DAPK2: variants seen among roughly 807,000 people sequenced by gnomAD.
DAPK2 encodes death-associated protein kinase 2.
In DAPK2, 35 loss-of-function variants were observed where a neutral mutation model predicts 44.1. The observed-to-expected ratio is 0.79, with a 90% CI of 0.61 to 1.05. The LOEUF (loss-of-function observed/expected upper bound fraction) is 1.05, where lower values mean the gene tolerates loss of function less well. Ranked by LOEUF, DAPK2 falls within the 50% of genes least tolerant of loss-of-function variation. DAPK2 has a pLI of 0.00. For missense variants in DAPK2, 453 were observed against 483.2 expected, an observed-to-expected ratio of 0.94 and a Z score of 0.59; for synonymous variants, 174 against 182.6, an observed-to-expected ratio of 0.95 and a Z score of 0.38.
chr15:63,914,912 G>T (rs552201966), intron 8 of DAPK2, among the ~76,000 whole-genome samples: 1 of 152,284 alleles, frequency 6.6e-6, no homozygotes, highest in African/African-American at 2.4e-5. Flanking sequence ...TTCATTACAC[G>T]TGGTGCTACC....
chr15:63,935,043 G>T (rs543767305), intron 4 of DAPK2, among the ~76,000 whole-genome samples: 424 of 142,428 alleles, frequency 3.0e-3, no homozygotes, highest in Middle Eastern at 0.011. Flanking sequence ...ATGTTTTGGG[G>T]TTTTTTTTTA....
intron 1 of DAPK2, among the ~76,000 whole-genome samples, chr15:64,004,454 A>T (rs569531023): frequency 6.6e-6 from 1 of 152,302 alleles, no homozygotes; most frequent in South Asian, 2.1e-4. Context: ...CTCACTTTTT[A>T]AAAAAATCCT....
At chr15:63,997,572 C>G (rs746563327) in intron 1 of DAPK2, among the ~76,000 whole-genome samples, 15 of 152,220 alleles carry the variant, frequency 9.9e-5, no homozygotes, top group Non-Finnish European at 1.9e-4. Flanking sequence ...TTCAGGTGAT[C>G]TGCCCACCTT....
chr15:64,014,034 A>G (rs1051633966), intron 1 of DAPK2, among the ~76,000 whole-genome samples: 13 of 152,328 alleles, frequency 8.5e-5, no homozygotes, highest in African/African-American at 2.9e-4. Context: ...GGTTGCACCA[A>G]CACAGGTCAA....
intron 6 of DAPK2, among the ~76,000 whole-genome samples, chr15:63,928,080 C>T (rs1212687633): frequency 4.6e-5 from 7 of 152,156 alleles, no homozygotes. Context: ...TTTCAAGAGC[C>T]AACATCAGAC....
chr15:64,045,806 C>T (rs1201812052), intron 1 of DAPK2, among the ~76,000 whole-genome samples: 1 of 151,938 alleles, frequency 6.6e-6, no homozygotes, highest in African/African-American at 2.4e-5. Flanking sequence ...CCTAGCTCTA[C>T]CCCAGGCCGG....
intron 3 of DAPK2, among the ~76,000 whole-genome samples, chr15:63,971,009 G>A (rs1595825980): frequency 6.6e-6 from 1 of 152,280 alleles, no homozygotes; most frequent in East Asian, 1.9e-4. Flanking sequence ...GATGGAGGCT[G>A]CACTATGAAT....
intron 1 of DAPK2, among the ~76,000 whole-genome samples, chr15:64,027,130 C>G (rs944592514): frequency 6.6e-6 from 1 of 152,102 alleles, no homozygotes; most frequent in African/African-American, 2.4e-5. Context: ...TGCCTATAAT[C>G]CCAGCACTTT....
chr15:64,008,190 G>T (rs1050655953), intron 1 of DAPK2, among the ~76,000 whole-genome samples: 5 of 134,170 alleles, frequency 3.7e-5, no homozygotes, highest in Non-Finnish European at 7.7e-5. Flanking sequence ...ATAAATGGGT[G>T]AATTGTATAT....
chr15:63,929,914 G>A, intron 5 of DAPK2: 1 of 472,444 alleles, frequency 2.1e-6, no homozygotes, highest in South Asian at 1.8e-5. Context: ...CAGGACTGTT[G>A]GCAGGATTTT....
rs2146478985 is a variant in DAPK2 at position 63,911,998 on chromosome 15, G to A, written c.949-7C>T. On this transcript the variant is annotated splice_polypyrimidine_tract_variant and splice_region_variant and intron_variant, in intron 9 of 10. Transcript: ENST00000261891. Reference sequence around the variant, plus strand: ...ACACGATGCTGAAGGAAAGCTGAGGGAGGCAGAGGAAAGGAATCCCCAGGT... The same window carrying A: ...ACACGATGCTGAAGGAAAGCTGAGGAAGGCAGAGGAAAGGAATCCCCAGGT... The A allele has an allele frequency of 6.2e-7, 1 of 1,613,488 alleles. No homozygotes were observed. The highest frequency in any genetic ancestry group is 8.5e-7 in the Non-Finnish European group (1 of 1,179,796).
At chr15:64,043,305 A>C (rs1157794120), upstream of DAPK2, among the ~76,000 whole-genome samples, 1 of 152,254 alleles carries the variant, frequency 6.6e-6, no homozygotes, top group Admixed American at 6.5e-5. Flanking sequence ...TCCACGTTAG[A>C]ATGGTCACTG....
chr15:63,929,422 G>T, intron 6 of DAPK2, 129 bp downstream of exon 7: 1 of 1,219,242 alleles, frequency 8.2e-7, no homozygotes, highest in Non-Finnish European at 1.2e-6. Flanking sequence ...GGCTTGCTGT[G>T]TGGACTTAAC....
intron 3 of DAPK2, among the ~76,000 whole-genome samples, chr15:63,954,664 T>G (rs2077674962): frequency 6.6e-6 from 1 of 152,188 alleles, no homozygotes; most frequent in Admixed American, 6.5e-5. Flanking sequence ...CATTTTAGGT[T>G]TTGTTTTTTC....
intron 1 of DAPK2, among the ~76,000 whole-genome samples, chr15:63,994,252 A>T (rs1045039241): frequency 1.3e-5 from 2 of 152,124 alleles, no homozygotes; most frequent in Non-Finnish European, 2.9e-5. Context: ...CAGTGTTTGT[A>T]GAAATGATGA....
intron 1 of DAPK2, among the ~76,000 whole-genome samples, chr15:64,012,476 A>T (rs984919269): frequency 8.5e-5 from 13 of 152,248 alleles, no homozygotes; most frequent in African/African-American, 3.1e-4. Context: ...ATGCAGATGT[A>T]TGTAAAAAGA....
chr15:63,928,679 G>T (rs2079395094), intron 6 of DAPK2, among the ~76,000 whole-genome samples: 1 of 152,266 alleles, frequency 6.6e-6, no homozygotes, highest in African/African-American at 2.4e-5. Flanking sequence ...CCACAGAGAT[G>T]GAAAGTGATA....
At chr15:63,972,290 T>A (rs2078234008) in intron 2 of DAPK2, among the ~76,000 whole-genome samples, 1 of 152,206 alleles carries the variant, frequency 6.6e-6, no homozygotes, top group South Asian at 2.1e-4. Context: ...CACCTAAAAA[T>A]GTGGAAGCTG....
chr15:64,032,269 G>A (rs1360462001), intron 1 of DAPK2, among the ~76,000 whole-genome samples: 1 of 152,190 alleles, frequency 6.6e-6, no homozygotes, highest in Non-Finnish European at 1.5e-5. Flanking sequence ...GGGTGGATGG[G>A]GCAGGGCATG....
Sources: gnomAD v4.1 joint callset for allele counts (sites outside exome capture counted in the v4.1 genomes callset) on GRCh38, gnomAD v4.1.1 for gene constraint, MANE v1.5 for transcripts, NCBI Gene and HGNC (gene_info 2026-07-23, HGNC 2026-07-21) for gene names.